Variants in ASB3 observed in about 807,000 individuals in gnomAD.
ASB3 encodes ankyrin repeat and SOCS box protein 3.
Under a neutral mutation model 54.5 loss-of-function variants are expected in ASB3, and 41 were observed. That is an observed-to-expected ratio of 0.75 (90% CI 0.59 to 0.98). The LOEUF (loss-of-function observed/expected upper bound fraction) is 0.98, where lower values mean the gene tolerates loss of function less well. ASB3 is among the 50% of genes least tolerant of loss of function. The probability of loss-of-function intolerance (pLI) is 0.00; values close to 1 mark genes in which losing one functional copy is unlikely to be tolerated. For synonymous variants in ASB3, 266 were observed against 221.2 expected (o/e 1.20, Z -1.80); for missense variants, 733 against 620.0 (o/e 1.18, Z -1.94).
chr2:53,761,647 C>T (rs1051958474), intron 2 of ASB3, among the ~76,000 whole-genome samples: 2 of 152,184 alleles, frequency 1.3e-5, no homozygotes, highest in South Asian at 2.1e-4. Flanking sequence ...AGTTACACCA[C>T]CAGCTTTCCT....
intron 3 of ASB3, among the ~76,000 whole-genome samples, chr2:53,733,752 G>C (rs1407329622): frequency 6.6e-6 from 1 of 152,166 alleles, no homozygotes; most frequent in Non-Finnish European, 1.5e-5. Context: ...TAACCCAGTG[G>C]TGCTAGAGGA....
intron 3 of ASB3, among the ~76,000 whole-genome samples, 153 bp downstream of exon 3, chr2:53,750,630 T>C (rs1268466832): frequency 6.6e-6 from 1 of 152,236 alleles, no homozygotes; most frequent in Admixed American, 6.5e-5. Flanking sequence ...TTTAAAAATA[T>C]CTTTTCAGTT....
At chr2:53,778,597 C>G (rs1674481537) in intron 1 of ASB3, among the ~76,000 whole-genome samples, 1 of 152,146 alleles carries the variant, frequency 6.6e-6, no homozygotes, top group Admixed American at 6.6e-5. Flanking sequence ...TCTTTTAGTT[C>G]AACGGTTTTA....
chr2:53,774,324 T>G (rs772510906), intron 1 of ASB3: 8 of 1,613,812 alleles, frequency 5.0e-6, no homozygotes, highest in Non-Finnish European at 6.8e-6. Context: ...ATCCTGATTA[T>G]CTTGGTCCTG....
chr2:53,769,737 A>C (rs552855878), intron 1 of ASB3, among the ~76,000 whole-genome samples: 70 of 152,228 alleles, frequency 4.6e-4, no homozygotes, highest in South Asian at 2.5e-3. Context: ...AGTCCCAGCT[A>C]CTCTGGAGGC....
At chr2:53,707,699 G>A (rs765898453) in intron 7 of ASB3, among the ~76,000 whole-genome samples, 3 of 149,868 alleles carry the variant, frequency 2.0e-5, no homozygotes, top group African/African-American at 4.9e-5. Flanking sequence ...AGTGGCTCAC[G>A]CCTGTAATCC....
intron 5 of ASB3, among the ~76,000 whole-genome samples, chr2:53,718,555 C>T (rs1455621596): frequency 6.6e-6 from 1 of 152,096 alleles, no homozygotes; most frequent in Non-Finnish European, 1.5e-5. Context: ...ACTGATACCA[C>T]AAAAACACAC....
chr2:53,752,591 C>T (rs1672577669), intron 2 of ASB3, among the ~76,000 whole-genome samples: 1 of 152,246 alleles, frequency 6.6e-6, no homozygotes, highest in Admixed American at 6.5e-5. Context: ...CGGAATTTTT[C>T]GCCCCCATGG....
intron 9 of ASB3, among the ~76,000 whole-genome samples, chr2:53,673,535 G>C (rs147736338): frequency 1.7e-3 from 260 of 152,238 alleles, no homozygotes; most frequent in African/African-American, 5.6e-3. Context: ...ATTATGTGTA[G>C]AAGCTTAACC....
At chr2:53,743,320 G>T (rs1175298074) in intron 3 of ASB3, among the ~76,000 whole-genome samples, 1 of 151,892 alleles carries the variant, frequency 6.6e-6, no homozygotes. Context: ...ATTCAATTTT[G>T]AACATGTAAA....
intron 2 of ASB3, among the ~76,000 whole-genome samples, chr2:53,759,240 T>C (rs546766545): frequency 2.0e-5 from 3 of 152,342 alleles, no homozygotes; most frequent in South Asian, 2.1e-4. Context: ...CCGCAGACAT[T>C]TGCTAACTTG....
At chr2:53,700,894 T>A (rs1475614597) in intron 7 of ASB3, among the ~76,000 whole-genome samples, 2 of 152,222 alleles carry the variant, frequency 1.3e-5, no homozygotes, top group East Asian at 1.9e-4. Flanking sequence ...ACGTGATCAA[T>A]CCTTAAAACT....
chr2:53,730,940 T>C (rs1671272515), intron 3 of ASB3, among the ~76,000 whole-genome samples: 1 of 152,028 alleles, frequency 6.6e-6, no homozygotes, highest in South Asian at 2.1e-4. Flanking sequence ...AAAACACTAA[T>C]ACACATGAAA....
intron 5 of ASB3, among the ~76,000 whole-genome samples, chr2:53,722,575 C>A (rs1218993895): frequency 6.6e-6 from 1 of 152,092 alleles, no homozygotes. Flanking sequence ...AAAACCAAAA[C>A]TATATGATCA....
intron 1 of ASB3, among the ~76,000 whole-genome samples, chr2:53,776,853 G>C (rs62137613): frequency 0.023 from 3,537 of 152,066 alleles, 62 homozygotes; most frequent in Non-Finnish European, 0.035. Context: ...TTCACTCTAA[G>C]CATATATTAC....
At chr2:53,710,901 G>C (rs4413193) in intron 7 of ASB3, among the ~76,000 whole-genome samples, 80,960 of 151,712 alleles carry the variant, frequency 0.53, 21,930 homozygotes, top group East Asian at 0.64. Context: ...CCAAGGCAGG[G>C]AGATCACCTG....
intron 9 of ASB3, among the ~76,000 whole-genome samples, chr2:53,684,161 A>ATT (rs546614368): frequency 2.0e-5 from 3 of 152,118 alleles, no homozygotes; most frequent in Non-Finnish European, 4.4e-5. Context: ...TAATTAAGGA[A>ATT]TTAATAACTA....
chr2:53,730,804 AT>A (rs904533951), intron 3 of ASB3, among the ~76,000 whole-genome samples: 8 of 151,592 alleles, frequency 5.3e-5, no homozygotes, highest in African/African-American at 1.5e-4. Flanking sequence ...GAAGAATAAG[AT>A]TTTTTTTTCA....
In ASB3 at chr2:53,670,456, T is replaced by C. The variant is rs528124970; in HGVS notation, c.*47A>G. ...GTACTCTGTGGCTCTTTTGTCTCGA[T>C]GATTTTTCAGAGAAAAAAATTAGCT... is the stretch of plus-strand genomic sequence containing the variant. On this transcript the variant is annotated 3_prime_UTR_variant, in exon 10 of 10. Coordinates refer to ENST00000263634, the MANE Select transcript of ASB3 (RefSeq NM_016115.5). 38 of 1,582,192 alleles carry C rather than the reference T, an allele frequency of 2.4e-5. No individual in the cohort carries two copies. In the South Asian group the frequency reaches 4.3e-4, roughly 18 times the overall value.
Sources: allele counts gnomAD v4.1 joint callset (sites outside exome capture counted in the v4.1 genomes callset), GRCh38; gene constraint gnomAD v4.1.1; transcripts MANE v1.5; gene names NCBI Gene and HGNC (gene_info 2026-07-23, HGNC 2026-07-21).